The following RAB21 variants were observed in gnomAD, a reference collection of about 807,000 sequenced individuals.
RAB21 encodes ras-related protein Rab-21.
In RAB21, 13 loss-of-function variants were observed where a neutral mutation model predicts 33.1. The observed-to-expected ratio is 0.39, with a 90% CI of 0.26 to 0.62. RAB21 has a LOEUF of 0.62. Among genes scored for constraint, RAB21 ranks in the 20% least tolerant of loss-of-function variants. The pLI is 0.48. For synonymous variants in RAB21, 91 were observed against 103.7 expected, an observed-to-expected ratio of 0.88 and a Z score of 0.74; for missense variants, 234 against 279.1, an observed-to-expected ratio of 0.84 and a Z score of 1.15.
chr12:71,768,548 C>T (rs1339202223), intron 1 of RAB21, among the ~76,000 whole-genome samples: 16 of 152,014 alleles, frequency 1.1e-4, no homozygotes, highest in African/African-American at 3.1e-4. Flanking sequence ...GGTCTTAGTT[C>T]AGATCTCCTT....
intron 1 of RAB21, among the ~76,000 whole-genome samples, chr12:71,761,793 G>T (rs1220151599): frequency 6.6e-6 from 1 of 151,938 alleles, no homozygotes; most frequent in Non-Finnish European, 1.5e-5. Context: ...TGAGACACTT[G>T]GCTTTTATTT....
chr12:71,789,726 T>A lies in RAB21; in HGVS notation c.*4053T>A, dbSNP rs569503939. The stretch of plus-strand genomic sequence containing the variant: ...TGGAATTTATTGAACCGCATCTACT[T>A]GATTTCATAATATGCATTGATTTTA... On this transcript the variant is annotated 3_prime_UTR_variant, in exon 7 of 7. Transcript: ENST00000261263. 6 of 152,262 alleles carry A rather than the reference T, an allele frequency of 3.9e-5. No individual in the cohort carries two copies. The highest frequency in any genetic ancestry group is 4.1e-4 in the South Asian group (2 of 4,832). 9.4% of individuals were successfully genotyped at this position (152,262 alleles called of 1,614,324 possible). A position where few individuals can be genotyped will look rare whatever the true frequency, so the allele number is the denominator to read the frequency against.
intron 3 of RAB21, among the ~76,000 whole-genome samples, chr12:71,773,694 T>G (rs1000345938): frequency 6.6e-6 from 1 of 152,228 alleles, no homozygotes; most frequent in Non-Finnish European, 1.5e-5. Context: ...CTCTAGTGAA[T>G]AGCTTTGCTT....
intron 1 of RAB21, among the ~76,000 whole-genome samples, chr12:71,758,067 C>CT (rs1882812482): frequency 6.6e-6 from 1 of 151,234 alleles, no homozygotes; most frequent in South Asian, 2.1e-4. Flanking sequence ...GAGTCTCACT[C>CT]TATCACCCAG....
intron 1 of RAB21, among the ~76,000 whole-genome samples, chr12:71,762,557 G>C (rs912113013): frequency 6.6e-6 from 1 of 151,842 alleles, no homozygotes; most frequent in African/African-American, 2.4e-5. Context: ...CGCCCGCCTC[G>C]GCCTCCCAAA....
intron 3 of RAB21, 117 bp downstream of exon 3, chr12:71,770,816 T>C: frequency 1.4e-6 from 1 of 696,708 alleles, no homozygotes; most frequent in Non-Finnish European, 2.3e-6. Flanking sequence ...AGTATATAAT[T>C]TGTGCATAAC....
At chr12:71,779,031 A>G (rs958784878) in intron 4 of RAB21, among the ~76,000 whole-genome samples, 2 of 152,234 alleles carry the variant, frequency 1.3e-5, no homozygotes, top group Non-Finnish European at 2.9e-5. Context: ...ATTAATATTA[A>G]TAACTGTTCC....
At chr12:71,779,848 C>T (rs1375785018) in intron 4 of RAB21, among the ~76,000 whole-genome samples, 3 of 152,124 alleles carry the variant, frequency 2.0e-5, no homozygotes, top group Non-Finnish European at 4.4e-5. Context: ...TATGTAGCTG[C>T]ACAGTAGTAT....
At position 71,764,165 on chromosome 12, in the gene RAB21, G is replaced by A. The variant is rs1882924373; in HGVS notation, c.160-5635G>A. ...ACTGGGAGTTCTTTACTGAGATGTT[G>A]CCAGGCATTTATAAATCTCTTGGAA... is the stretch of plus-strand genomic sequence containing the variant. On this transcript the variant is annotated intron_variant, in intron 1 of 6. Transcript: ENST00000261263. Among the ~76,000 whole-genome samples, 3 of 152,258 alleles carry A rather than the reference G, an allele frequency of 2.0e-5. No homozygotes were observed. The South Asian group carries it at 6.2e-4, about 32-fold the overall frequency.
In RAB21 at chr12:71,792,734, T is replaced by G. The variant is rs117380039; in HGVS notation, c.*7061T>G. The G allele has an allele frequency of 6.6e-6, 1 of 152,230 alleles. No homozygotes were observed. Among genetic ancestry groups the G allele is most frequent in the Non-Finnish European group, 1.5e-5 (1 of 68,050 alleles). The allele number at this position is 152,230 out of a possible 1,614,324, so 9.4% of individuals were successfully genotyped here. A position where few individuals can be genotyped will look rare whatever the true frequency, so the allele number is the denominator to read the frequency against. On this transcript the variant is annotated 3_prime_UTR_variant, in exon 7 of 7. Coordinates refer to ENST00000261263, the MANE Select transcript of RAB21 (RefSeq NM_014999.4). ...CAAACTGCTATGTGCCCAGTGTACA[T>G]ACATGGGAGAACCAGATAGCCAAAG... is the stretch of plus-strand genomic sequence containing the variant.
At chr12:71,779,229 G>C (rs957959267) in intron 4 of RAB21, among the ~76,000 whole-genome samples, 3 of 152,148 alleles carry the variant, frequency 2.0e-5, no homozygotes, top group African/African-American at 7.2e-5. Context: ...GGAGACCAAG[G>C]TGGGCAGACT....
intron 1 of RAB21, among the ~76,000 whole-genome samples, chr12:71,768,933 G>T (rs1379280577): frequency 7.1e-6 from 1 of 140,216 alleles, no homozygotes; most frequent in East Asian, 1.9e-4. Flanking sequence ...TATACTTGAC[G>T]TGTGTGTGTG....
intron 4 of RAB21, among the ~76,000 whole-genome samples, chr12:71,777,417 A>G (rs1431156504): frequency 2.4e-4 from 37 of 151,768 alleles, no homozygotes; most frequent in Admixed American, 2.4e-3. Context: ...ATCTATGAAT[A>G]CTCCACAGTT....
At chr12:71,765,065 A>G (rs901850871) in intron 1 of RAB21, among the ~76,000 whole-genome samples, 1 of 152,156 alleles carries the variant, frequency 6.6e-6, no homozygotes, top group Non-Finnish European at 1.5e-5. Context: ...GTTCTAGTTT[A>G]CGTTCCCACC....
chr12:71,794,428 T>TATATATATATATATA lies in RAB21; in HGVS notation c.*8755_*8756insATATATATATATATA, dbSNP rs1491554627. 1 of 34,538 alleles carries TATATATATATATATA rather than the reference T, an allele frequency of 2.9e-5. No individual in the cohort carries two copies. Among genetic ancestry groups the TATATATATATATATA allele is most frequent in the Admixed American group, 4.2e-4 (1 of 2,368 alleles). The allele number at this position is 34,538 out of a possible 1,614,324, so 2.1% of individuals were successfully genotyped here. A position where few individuals can be genotyped will look rare whatever the true frequency, so the allele number is the denominator to read the frequency against. On this transcript the variant is annotated 3_prime_UTR_variant, in exon 7 of 7. Transcript: ENST00000261263. ...TATTATATATATATATATATATATA[T>TATATATATATATATA]TTTTTTTTTTTTTTTTTTTTTTTTT...
At chr12:71,761,531 A>G (rs2137639923) in intron 1 of RAB21, among the ~76,000 whole-genome samples, 1 of 152,192 alleles carries the variant, frequency 6.6e-6, no homozygotes, top group East Asian at 1.9e-4. Context: ...TACAAAAATG[A>G]GCCAGGCATG....
Position 71,798,903 on chromosome 12 carries a change from G to C in RAB21, c.*13230G>C, listed in dbSNP as rs1883501304. 1 of 152,116 alleles carries C rather than the reference G, an allele frequency of 6.6e-6. No individual in the cohort carries two copies. Among genetic ancestry groups the C allele is most frequent in the Admixed American group, 6.5e-5 (1 of 15,272 alleles). The allele number at this position is 152,116 out of a possible 1,614,324, so 9.4% of individuals were successfully genotyped here. Reference sequence around the variant, plus strand: ...TTACCCAGAACTTTTTATGCAGATGGGGGGGCAGTCTGAATGCTAATTAAG... The same window carrying C: ...TTACCCAGAACTTTTTATGCAGATGCGGGGGCAGTCTGAATGCTAATTAAG... On this transcript the variant is annotated 3_prime_UTR_variant, in exon 7 of 7. Transcript: ENST00000261263.
rs1482534347 is a variant in RAB21, at chr12:71,792,238, T to G, written c.*6565T>G. 6.6e-6 allele frequency: 1 copy of G among 152,218 alleles called. No individual in the cohort carries two copies. Among genetic ancestry groups the G allele is most frequent in the East Asian group, 1.9e-4 (1 of 5,200 alleles). The allele number at this position is 152,218 out of a possible 1,614,324, so 9.4% of individuals were successfully genotyped here. ...AGTTCTGGAACTAGAAGTTAACTAC[T>G]TACTGGACTTTTGAGATGTAAGTTT... is the stretch of plus-strand genomic sequence containing the variant. On this transcript the variant is annotated 3_prime_UTR_variant, in exon 7 of 7. Transcript: ENST00000261263.
intron 6 of RAB21, among the ~76,000 whole-genome samples, chr12:71,784,719 C>G (rs534371931): frequency 2.6e-5 from 4 of 152,226 alleles, no homozygotes; most frequent in African/African-American, 9.6e-5. Flanking sequence ...TAGCTTTATA[C>G]TAGTTCTTGC....
Sources: allele counts gnomAD v4.1 joint callset (sites outside exome capture counted in the v4.1 genomes callset), GRCh38; gene constraint gnomAD v4.1.1; transcripts MANE v1.5; gene names NCBI Gene and HGNC (gene_info 2026-07-23, HGNC 2026-07-21).